Variants in ACTR3C observed in about 807,000 individuals in gnomAD.
ACTR3C encodes the protein actin related protein 3C, also known as actin-related protein 3C.
ACTR3C carries 18 observed loss-of-function variants against 26.3 expected under a neutral mutation model. The observed-to-expected ratio is 0.68, with a 90% CI of 0.47 to 1.01. The LOEUF (loss-of-function observed/expected upper bound fraction) is 1.01. Among genes scored for constraint, ACTR3C ranks in the 50% least tolerant of loss-of-function variants. The pLI, the probability that ACTR3C is intolerant of heterozygous loss-of-function variation, is 0.00. For missense variants in ACTR3C, 184 were observed against 250.7 expected, an observed-to-expected ratio of 0.73 and a Z score of 1.80; for synonymous variants, 55 against 94.5, an observed-to-expected ratio of 0.58 and a Z score of 2.42.
chr7:150,286,983 A>G (rs987889217), intron 4 of ACTR3C, among the ~76,000 whole-genome samples: 1 of 152,192 alleles, frequency 6.6e-6, no homozygotes, highest in Non-Finnish European at 1.5e-5. Context: ...ACCTGACTGT[A>G]GAGGCTTCTT....
chr7:150,144,308 A>T, the ACTR3C span, among the ~76,000 whole-genome samples: 1 of 152,206 alleles, frequency 6.6e-6, no homozygotes, highest in Non-Finnish European at 1.5e-5. The surrounding 1 kb of genome is among the most constrained non-coding windows in gnomAD (Gnocchi z 4.6). Context: ...AGTACTGTTA[A>T]GATTGTCTTA....
the ACTR3C span, among the ~76,000 whole-genome samples, chr7:150,042,013 G>T: frequency 7.3e-6 from 1 of 136,218 alleles, no homozygotes; most frequent in African/African-American, 2.6e-5. Context: ...AGTCCTCCAG[G>T]TGGGTCCTAA....
At chr7:149,959,818 A>C in the ACTR3C span, among the ~76,000 whole-genome samples, 149 of 152,340 alleles carry the variant, frequency 9.8e-4, no homozygotes, top group Non-Finnish European at 1.1e-3. Flanking sequence ...CTTCATAAGA[A>C]TGTCCCCCTA....
At chr7:150,087,526 A>T in the ACTR3C span, among the ~76,000 whole-genome samples, 4 of 152,220 alleles carry the variant, frequency 2.6e-5, no homozygotes, top group Admixed American at 2.0e-4. Flanking sequence ...GGGGCTCCTC[A>T]CTTGCAAGGG....
At chr7:150,269,489 G>C (rs1358889902) in intron 6 of ACTR3C, among the ~76,000 whole-genome samples, 3 of 150,780 alleles carry the variant, frequency 2.0e-5, no homozygotes, top group South Asian at 2.1e-4. Flanking sequence ...GGGGAAATTA[G>C]AGGGTAATGG....
chr7:150,286,428 T>G lies in ACTR3C; in HGVS notation c.410A>C (p.Lys137Thr), dbSNP rs1450341765. Residue 137 changes from lysine to threonine, a missense_variant, in exon 5 of 8, where the codon AAG becomes ACG. Lys to Thr is a moderately conservative substitution (Grantham distance 78). Coordinates refer to ENST00000683684, the MANE Select transcript of ACTR3C (RefSeq NM_001164458.2). ...TTCGTAACCAACGTCTATAACAAAC[T>G]TCTTCTGGTTGATCGCATTGATACC... ...YTGINAINQK[K>T]FVIDVGYERF... 7 of 1,613,438 alleles carry G rather than the reference T, an allele frequency of 4.3e-6. No homozygotes were observed. In the Middle Eastern group the frequency reaches 8.2e-4, roughly 189 times the overall value.
At position 150,282,850 on chromosome 7, in the gene ACTR3C, C is replaced by T. The variant is rs1490146331; in HGVS notation, c.564+1903G>A. On this transcript the variant is annotated intron_variant, in intron 6 of 7. Coordinates refer to ENST00000683684, the MANE Select transcript of ACTR3C (RefSeq NM_001164458.2). Reference sequence around the variant, plus strand: ...GTGATCACGCCACTGCACTCCAGCACGGGCAACAAAAAGAAGAATCCTCTT... The same window carrying T: ...GTGATCACGCCACTGCACTCCAGCATGGGCAACAAAAAGAAGAATCCTCTT... Among the ~76,000 whole-genome samples, 16 of 146,042 alleles carry T rather than the reference C, an allele frequency of 1.1e-4. No individual in the cohort carries two copies. In the South Asian group the frequency reaches 1.3e-3, roughly 12 times the overall value.
At chr7:150,126,348 G>A in the ACTR3C span, among the ~76,000 whole-genome samples, 1 of 152,190 alleles carries the variant, frequency 6.6e-6, no homozygotes, top group Non-Finnish European at 1.5e-5. Context: ...GGGATTGCAG[G>A]CTCTGAAAGC....
chr7:149,958,053 T>TG, the ACTR3C span, among the ~76,000 whole-genome samples: 1 of 152,190 alleles, frequency 6.6e-6, no homozygotes. Flanking sequence ...GGTCATCTGA[T>TG]GGCCTGAATG....
intron 1 of ACTR3C, among the ~76,000 whole-genome samples, chr7:150,319,294 G>A (rs987125416): frequency 3.3e-5 from 5 of 151,114 alleles, no homozygotes; most frequent in African/African-American, 4.9e-5. Context: ...CACAAGCTCC[G>A]CCTCTCAGGT....
At chr7:150,062,268 T>C in the ACTR3C span, 2 of 46,014 alleles carry the variant, frequency 4.3e-5, no homozygotes, top group African/African-American at 2.0e-4. Context: ...TGGTAGGTCA[T>C]ATTTAAAATC....
the ACTR3C span, among the ~76,000 whole-genome samples, chr7:149,939,223 A>G: frequency 6.6e-6 from 1 of 152,016 alleles, no homozygotes; most frequent in Non-Finnish European, 1.5e-5. Context: ...CAGGTGATTC[A>G]CCTGCCTCGG....
the ACTR3C span, among the ~76,000 whole-genome samples, chr7:149,969,649 G>T: frequency 6.6e-6 from 1 of 152,104 alleles, no homozygotes; most frequent in Non-Finnish European, 1.5e-5. Flanking sequence ...TTTTCTCTTG[G>T]AAAATATTTT....
chr7:150,038,810 C>T, the ACTR3C span, among the ~76,000 whole-genome samples: 2 of 141,366 alleles, frequency 1.4e-5, no homozygotes, highest in African/African-American at 5.5e-5. Context: ...GGGGGTGCCT[C>T]CCCCCTCTGC....
At chr7:150,125,746 G>A in the ACTR3C span, among the ~76,000 whole-genome samples, 1 of 152,150 alleles carries the variant, frequency 6.6e-6, no homozygotes, top group Admixed American at 6.5e-5. Context: ...TACGTAGTAG[G>A]TATTTAGTAT....
At chr7:150,142,188 T>TCTC in the ACTR3C span, among the ~76,000 whole-genome samples, 9 of 152,076 alleles carry the variant, frequency 5.9e-5, no homozygotes, top group Non-Finnish European at 5.9e-5. Context: ...TAGGGTGAGG[T>TCTC]CTCCTCCTCC....
At chr7:150,193,092 TGTCTTCCCCA>T in the ACTR3C span, among the ~76,000 whole-genome samples, 1 of 152,216 alleles carries the variant, frequency 6.6e-6, no homozygotes, top group Non-Finnish European at 1.5e-5. Flanking sequence ...TTTGCTGATG[TGTCTTCCCCA>T]GTCAATCCTC....
the ACTR3C span, among the ~76,000 whole-genome samples, chr7:150,054,298 G>T: frequency 3.3e-5 from 5 of 152,168 alleles, no homozygotes; most frequent in African/African-American, 1.2e-4. Flanking sequence ...CTCCACCCCA[G>T]GCCCCCTGCA....
intron 7 of ACTR3C, chr7:150,248,077 A>G (rs2533326): frequency 4.6e-5 from 7 of 152,462 alleles, no homozygotes; most frequent in East Asian, 1.9e-4. Flanking sequence ...CCAAACTACA[A>G]TGGAACCTGC....
Sources: allele counts gnomAD v4.1 joint callset (sites outside exome capture counted in the v4.1 genomes callset), GRCh38; gene constraint gnomAD v4.1.1; non-coding constraint Gnocchi (gnomAD v3.1); transcripts MANE v1.5; gene names NCBI Gene and HGNC (gene_info 2026-07-23, HGNC 2026-07-21).